ZNF423: variants seen among roughly 807,000 people sequenced by gnomAD.
The protein encoded by ZNF423 is zinc finger protein 423, also known as Ebf-associated zinc finger protein.
Under a neutral mutation model 95.8 loss-of-function variants are expected in ZNF423, and 12 were observed. The ratio of observed to expected loss-of-function variants is 0.13; its 90% CI spans 0.08 to 0.20. The LOEUF (loss-of-function observed/expected upper bound fraction) is 0.20. Ranked by LOEUF, ZNF423 falls within the 10% of genes least tolerant of loss-of-function variation. ZNF423 has a pLI of 1.00. For synonymous variants in ZNF423, 749 were observed against 711.9 expected, an observed-to-expected ratio of 1.05 and a Z score of -0.83; for missense variants, 1,316 against 1,737.1, an observed-to-expected ratio of 0.76 and a Z score of 4.31.
chr16:49,703,120 T>C (rs1280058976), intron 3 of ZNF423, among the ~76,000 whole-genome samples: 1 of 152,202 alleles, frequency 6.6e-6, no homozygotes, highest in African/African-American at 2.4e-5. Context: ...CCTCCTGGGC[T>C]CTGCGGTTAC....
At chr16:49,844,140 G>A (rs891400491) in intron 1 of ZNF423, among the ~76,000 whole-genome samples, 1 of 151,492 alleles carries the variant, frequency 6.6e-6, no homozygotes, top group African/African-American at 2.4e-5. Flanking sequence ...AAAAGAGGCG[G>A]ACATGGTGAC....
At chr16:49,725,850 T>C (rs1428316609) in intron 3 of ZNF423, among the ~76,000 whole-genome samples, 1 of 152,162 alleles carries the variant, frequency 6.6e-6, no homozygotes, top group Non-Finnish European at 1.5e-5. Flanking sequence ...CCCCATCTGC[T>C]TCAGAGCCAC....
chr16:49,492,219 C>T lies in ZNF423; in HGVS notation c.3850-915G>A, dbSNP rs984373251. On this transcript the variant is annotated intron_variant, in intron 7 of 7. Transcript: ENST00000563137. The surrounding 1 kb of genome is among the most constrained non-coding windows in gnomAD (Gnocchi z 4.2). ...CAAATTCAGACCCATTTCATCAAAG[C>T]CTCAGGTGGTGCTCCACCTCATGAC... is the stretch of plus-strand genomic sequence containing the variant. Among the ~76,000 whole-genome samples, 3 of 152,220 alleles carry T rather than the reference C, an allele frequency of 2.0e-5. No homozygotes were observed. Among genetic ancestry groups the T allele is most frequent in the African/African-American group, 4.8e-5 (2 of 41,464 alleles).
intron 5 of ZNF423, among the ~76,000 whole-genome samples, chr16:49,541,086 C>T (rs1356612838): frequency 1.3e-5 from 2 of 152,196 alleles, no homozygotes; most frequent in Non-Finnish European, 2.9e-5. Flanking sequence ...CTCATGTCTG[C>T]CCCATCAGGG....
intron 3 of ZNF423, among the ~76,000 whole-genome samples, chr16:49,726,474 G>C (rs2033017215): frequency 6.6e-6 from 1 of 152,126 alleles, no homozygotes; most frequent in South Asian, 2.1e-4. Context: ...CTGGCTCCTA[G>C]AAGATGATGA....
At position 49,636,982 on chromosome 16, in the gene ZNF423, G is replaced by A; in HGVS notation, c.2194C>T (p.Leu732=). 1 of 1,613,808 alleles carries A rather than the reference G, an allele frequency of 6.2e-7. No homozygotes were observed. Among genetic ancestry groups the A allele is most frequent in the East Asian group, 2.2e-5 (1 of 44,874 alleles). ...MHTFVLYHCT[L]CQEVFDSKVS... Reference sequence around the variant, plus strand: ...TTGGAGTCGAAGACCTCCTGACACAGGGTGCAGTGGTACAACACAAAGGTG... The same window carrying A: ...TTGGAGTCGAAGACCTCCTGACACAAGGTGCAGTGGTACAACACAAAGGTG... Residue 732 remains leucine (L), a synonymous_variant, in exon 4 of 8, where the codon CTG becomes TTG. Coordinates refer to ENST00000563137, the MANE Select transcript of ZNF423 (RefSeq NM_001379286.1). This position sits in a 1 kb window ranked among gnomAD's most constrained non-coding sequence, Gnocchi z 8.6.
intron 5 of ZNF423, among the ~76,000 whole-genome samples, chr16:49,614,568 A>T (rs1971816781): frequency 6.6e-6 from 1 of 152,204 alleles, no homozygotes; most frequent in Non-Finnish European, 1.5e-5. Flanking sequence ...GTAGGAGGGA[A>T]GTGTCTATGG....
intron 7 of ZNF423, among the ~76,000 whole-genome samples, chr16:49,515,583 G>A (rs1297284856): frequency 6.6e-6 from 1 of 152,158 alleles, no homozygotes; most frequent in Non-Finnish European, 1.5e-5. Flanking sequence ...TGTTCATAGG[G>A]CTGTACACAA....
At chr16:49,537,765 T>C (rs1969105430) in intron 5 of ZNF423, among the ~76,000 whole-genome samples, 2 of 152,206 alleles carry the variant, frequency 1.3e-5, no homozygotes, top group Non-Finnish European at 2.9e-5. Context: ...CCAAGCCCAG[T>C]GCTCGGCCTT....
At position 49,561,731 on chromosome 16, in the gene ZNF423, C is replaced by T. The variant is rs529229809; in HGVS notation, c.3602-36237G>A. Among the ~76,000 whole-genome samples the T allele has an allele frequency of 5.3e-5, 8 of 152,242 alleles. No homozygotes were observed. In the South Asian group the frequency reaches 8.3e-4, roughly 16 times the overall value. On this transcript the variant is annotated intron_variant, in intron 5 of 7. Transcript: ENST00000563137. ...TTTCTCACTTCAGGTGCATTAAGTG[C>T]GGTATAGGGCACAAATGAATAATTT...
At chr16:49,538,447 C>G (rs1196103850) in intron 5 of ZNF423, among the ~76,000 whole-genome samples, 1 of 152,296 alleles carries the variant, frequency 6.6e-6, no homozygotes, top group East Asian at 1.9e-4. Context: ...CGCTCCTGGC[C>G]CCACCTCATC....
At chr16:49,787,175 G>A (rs1300314329) in intron 2 of ZNF423, among the ~76,000 whole-genome samples, 1 of 152,186 alleles carries the variant, frequency 6.6e-6, no homozygotes, top group Non-Finnish European at 1.5e-5. Context: ...CTGCCACCCA[G>A]GCTTGGAGCC....
intron 1 of ZNF423, among the ~76,000 whole-genome samples, chr16:49,827,798 T>G (rs138337384): frequency 2.6e-4 from 40 of 152,108 alleles, no homozygotes; most frequent in Middle Eastern, 3.4e-3. Context: ...TATGTTGCCT[T>G]TTTTTTTCAG....
intron 5 of ZNF423, among the ~76,000 whole-genome samples, chr16:49,555,872 AGGAT>A (rs1374697585): frequency 6.6e-6 from 1 of 152,078 alleles, no homozygotes; most frequent in Non-Finnish European, 1.5e-5. Context: ...GGAGGTTGAA[AGGAT>A]GGATAGATGG....
chr16:49,704,086 A>G (rs766618645), intron 3 of ZNF423, among the ~76,000 whole-genome samples: 2 of 152,196 alleles, frequency 1.3e-5, no homozygotes, highest in Non-Finnish European at 2.9e-5. Flanking sequence ...GCCTGGAGGC[A>G]GAAAGGGATG....
intron 2 of ZNF423, among the ~76,000 whole-genome samples, chr16:49,786,502 C>G (rs1283779363): frequency 6.6e-6 from 1 of 152,264 alleles, no homozygotes; most frequent in Non-Finnish European, 1.5e-5. Flanking sequence ...TCCCTTCCTC[C>G]TGGTAAACTG....
intron 2 of ZNF423, among the ~76,000 whole-genome samples, chr16:49,735,369 C>A (rs1026862282): frequency 2.0e-5 from 3 of 152,206 alleles, no homozygotes; most frequent in African/African-American, 7.2e-5. Flanking sequence ...AGTCAGAGCT[C>A]TCAGCATCAC....
intron 1 of ZNF423, among the ~76,000 whole-genome samples, chr16:49,802,851 G>T (rs2034603587): frequency 6.6e-6 from 1 of 152,194 alleles, no homozygotes; most frequent in African/African-American, 2.4e-5. Flanking sequence ...GAAAGTAAAA[G>T]CACAACTTTC....
At chr16:49,560,390 G>A (rs890502990) in intron 5 of ZNF423, among the ~76,000 whole-genome samples, 1 of 152,176 alleles carries the variant, frequency 6.6e-6, no homozygotes, top group African/African-American at 2.4e-5. Context: ...TCTTGCAGCC[G>A]AATTCCTGGA....
Sources: gnomAD v4.1 joint callset for allele counts (sites outside exome capture counted in the v4.1 genomes callset) on GRCh38, gnomAD v4.1.1 for gene constraint, Gnocchi (gnomAD v3.1) non-coding constraint, MANE v1.5 for transcripts, NCBI Gene and HGNC (gene_info 2026-07-23, HGNC 2026-07-21) for gene names.